The following PDE11A variants were observed in gnomAD, a reference collection of about 807,000 sequenced individuals.
PDE11A encodes the protein dual 3',5'-cyclic-AMP and -GMP phosphodiesterase 11A.
PDE11A carries 100 observed loss-of-function variants against 100.5 expected under a neutral mutation model. The ratio of observed to expected loss-of-function variants is 1.00; its 90% CI spans 0.85 to 1.18. The LOEUF (loss-of-function observed/expected upper bound fraction) is 1.18. Among genes scored for constraint, PDE11A ranks in the 50% most tolerant of loss-of-function variants. The pLI is 0.00. For synonymous variants in PDE11A, 381 were observed against 420.8 expected (o/e 0.91, Z 1.16); for missense variants, 1,141 against 1,152.6 (o/e 0.99, Z 0.15).
intron 1 of PDE11A, among the ~76,000 whole-genome samples, chr2:178,048,925 T>A (rs894191367): frequency 6.6e-6 from 1 of 152,012 alleles, no homozygotes; most frequent in Non-Finnish European, 1.5e-5. Context: ...GGAGGAACAG[T>A]GGGAGAGGAA....
chr2:177,633,918 T>C (rs1026806298), intron 19 of PDE11A, among the ~76,000 whole-genome samples: 1 of 152,194 alleles, frequency 6.6e-6, no homozygotes, highest in Non-Finnish European at 1.5e-5. Flanking sequence ...CTGCTTGATA[T>C]GTAATTAAAA....
intron 15 of PDE11A, among the ~76,000 whole-genome samples, chr2:177,685,363 TGG>T (rs2080929276): frequency 6.6e-6 from 1 of 152,134 alleles, no homozygotes; most frequent in Non-Finnish European, 1.5e-5. Context: ...ATGAACCAAA[TGG>T]GCAACATAAC....
At chr2:177,984,625 T>C (rs2085920146) in intron 2 of PDE11A, among the ~76,000 whole-genome samples, 1 of 152,138 alleles carries the variant, frequency 6.6e-6, no homozygotes, top group Non-Finnish European at 1.5e-5. Flanking sequence ...ATTAATAAAA[T>C]AAAAGCTACA....
In PDE11A at chr2:177,640,538, C is replaced by T. The variant is rs930375301; in HGVS notation, c.2647-10976G>A. ...GCTTCCTGTTCAAGGTGTATGACTTCAGAGACAGGTAGCCAATTGTGGGAG... is the reference window on the plus strand; with the variant it reads ...GCTTCCTGTTCAAGGTGTATGACTTTAGAGACAGGTAGCCAATTGTGGGAG... On this transcript the variant is annotated intron_variant, in intron 19 of 19. Coordinates refer to ENST00000286063, the MANE Select transcript of PDE11A (RefSeq NM_016953.4). Among the ~76,000 whole-genome samples, 23 of 152,226 alleles carry T rather than the reference C, an allele frequency of 1.5e-4. 1 individual carries two copies. Among genetic ancestry groups the T allele is most frequent in the Admixed American group, 1.4e-3 (21 of 15,282 alleles).
Position 177,945,471 on chromosome 2 carries a change from C to T in PDE11A, c.1072-40284G>A, listed in dbSNP as rs554910892. ...GATGTGGGGAGTGCCTCTGCCCCGC[C>T]GCCCCATCTGGGATGTGAGGAGGCC... On this transcript the variant is annotated intron_variant, in intron 2 of 19. Coordinates refer to ENST00000286063, the MANE Select transcript of PDE11A (RefSeq NM_016953.4). Among the ~76,000 whole-genome samples, 651 of 145,554 alleles carry T rather than the reference C, an allele frequency of 4.5e-3. 21 individuals are homozygous for T. The highest frequency in any genetic ancestry group is 0.017 in the Middle Eastern group (5 of 288).
intron 15 of PDE11A, among the ~76,000 whole-genome samples, chr2:177,689,362 G>A (rs924666083): frequency 9.2e-5 from 14 of 152,286 alleles, no homozygotes; most frequent in South Asian, 2.1e-4. Context: ...GATTACAGGC[G>A]TGAGCCACTG....
intron 9 of PDE11A, among the ~76,000 whole-genome samples, chr2:177,816,350 C>CA (rs2105578965): frequency 6.6e-6 from 1 of 152,200 alleles, no homozygotes; most frequent in South Asian, 2.1e-4. Context: ...GACATGGGAA[C>CA]AGGTCAAGGT....
At chr2:178,025,020 T>C (rs2086461833) in intron 1 of PDE11A, among the ~76,000 whole-genome samples, 2 of 152,234 alleles carry the variant, frequency 1.3e-5, no homozygotes, top group Admixed American at 1.3e-4. Context: ...ATGTGGCAAC[T>C]ACATAGCTCA....
chr2:177,629,637 C>G, intron 19 of PDE11A, 75 bp from the exon 20 acceptor site: 10 of 1,465,906 alleles, frequency 6.8e-6, no homozygotes, highest in South Asian at 1.1e-5. Flanking sequence ...CCACCTTTCA[C>G]TTATGAGGAG....
At chr2:177,855,853 A>G (rs1281173556) in intron 5 of PDE11A, among the ~76,000 whole-genome samples, 3 of 151,720 alleles carry the variant, frequency 2.0e-5, no homozygotes, top group Non-Finnish European at 4.4e-5. Flanking sequence ...AGATGCTCCC[A>G]GAAGGCTTTG....
At chr2:177,995,882 A>G (rs2086066680) in intron 2 of PDE11A, among the ~76,000 whole-genome samples, 1 of 152,182 alleles carries the variant, frequency 6.6e-6, no homozygotes, top group South Asian at 2.1e-4. Context: ...CATACATCAG[A>G]TTCAGTATTT....
intron 2 of PDE11A, among the ~76,000 whole-genome samples, chr2:177,990,732 T>TTCAGTAAGTATCC (rs1559034283): frequency 2.6e-5 from 3 of 117,218 alleles, no homozygotes; most frequent in South Asian, 2.8e-4. Flanking sequence ...AGCGAGACTC[T>TTCAGTAAGTATCC]GTCTCAAAAA....
At chr2:178,070,743 C>T (rs925852726) in intron 1 of PDE11A, among the ~76,000 whole-genome samples, 3 of 152,098 alleles carry the variant, frequency 2.0e-5, no homozygotes, top group African/African-American at 7.2e-5. Flanking sequence ...ACATGTTTAC[C>T]CTGCTGATGG....
chr2:177,873,846 A>G (rs1448653387), intron 5 of PDE11A, among the ~76,000 whole-genome samples: 1 of 152,120 alleles, frequency 6.6e-6, no homozygotes, highest in Non-Finnish European at 1.5e-5. Context: ...ACTGGTTTCT[A>G]TTTCCTGAAT....
intron 1 of PDE11A, among the ~76,000 whole-genome samples, chr2:178,030,162 GA>G (rs550318282): frequency 4.8e-4 from 73 of 151,534 alleles, no homozygotes; most frequent in Middle Eastern, 3.4e-3. Context: ...AATCAGGAGA[GA>G]AAAAAAAGAG....
At chr2:177,802,037 T>C (rs1321831239) in intron 9 of PDE11A, among the ~76,000 whole-genome samples, 1 of 151,888 alleles carries the variant, frequency 6.6e-6, no homozygotes, top group African/African-American at 2.4e-5. Context: ...AGCAATCCTA[T>C]TAAAAGTGGG....
chr2:177,861,734 T>C (rs530687975), intron 5 of PDE11A, among the ~76,000 whole-genome samples: 1 of 152,044 alleles, frequency 6.6e-6, no homozygotes, highest in Non-Finnish European at 1.5e-5. Context: ...TACAGATTAA[T>C]GGAGTAGAGT....
intron 1 of PDE11A, among the ~76,000 whole-genome samples, chr2:178,028,344 A>G (rs534932926): frequency 1.3e-5 from 2 of 150,996 alleles, no homozygotes; most frequent in African/African-American, 2.4e-5. Context: ...CTTGCCCTAT[A>G]ATATGAGAGT....
Position 177,629,398 on chromosome 2 carries a change from C to T in PDE11A, c.*9G>A, listed in dbSNP as rs778498542. The T allele has an allele frequency of 5.6e-6, 9 of 1,612,882 alleles. No individual in the cohort carries two copies. Among genetic ancestry groups the T allele is most frequent in the South Asian group, 5.5e-5 (5 of 91,044 alleles). ...GTAGTCATTTTGCAGCTGCAGCTGACCTGGAGGTTTAGTTCCTGTCTTCCT... is the reference window on the plus strand; with the variant it reads ...GTAGTCATTTTGCAGCTGCAGCTGATCTGGAGGTTTAGTTCCTGTCTTCCT... On this transcript the variant is annotated 3_prime_UTR_variant, in exon 20 of 20. Coordinates refer to ENST00000286063, the MANE Select transcript of PDE11A (RefSeq NM_016953.4).
Sources: allele counts gnomAD v4.1 joint callset (sites outside exome capture counted in the v4.1 genomes callset), GRCh38; gene constraint gnomAD v4.1.1; transcripts MANE v1.5; gene names NCBI Gene and HGNC (gene_info 2026-07-23, HGNC 2026-07-21).